The following HDAC9 variants were observed in gnomAD, a reference collection of about 807,000 sequenced individuals.
HDAC9 encodes the protein histone deacetylase 9, also known as MEF-2 interacting transcription repressor (MITR) protein.
In HDAC9, 41 loss-of-function variants were observed where a neutral mutation model predicts 139.4. The ratio of observed to expected loss-of-function variants is 0.29; its 90% confidence interval spans 0.23 to 0.38. The LOEUF (loss-of-function observed/expected upper bound fraction) is 0.38. Ranked by LOEUF, HDAC9 falls within the 10% of genes least tolerant of loss-of-function variation. The pLI is 1.00. For missense variants in HDAC9, 1,147 were observed against 1,297.0 expected, an observed-to-expected ratio of 0.88 and a Z score of 1.78; for synonymous variants, 517 against 476.2, an observed-to-expected ratio of 1.09 and a Z score of -1.12.
intron 1 of HDAC9, among the ~76,000 whole-genome samples, chr7:18,144,951 C>T (rs1562671434): frequency 1.3e-5 from 2 of 152,294 alleles, no homozygotes; most frequent in Non-Finnish European, 2.9e-5. Flanking sequence ...TTTTGAATGA[C>T]ATCTTTCTGT....
At chr7:18,811,810 G>A (rs776175244) in intron 17 of HDAC9, among the ~76,000 whole-genome samples, 2 of 151,576 alleles carry the variant, frequency 1.3e-5, no homozygotes, top group Non-Finnish European at 3.0e-5. Flanking sequence ...GTTTGTGGGT[G>A]TGTGTGTGAG....
chr7:18,623,525 A>G (rs1470499853), intron 6 of HDAC9, among the ~76,000 whole-genome samples: 1 of 151,974 alleles, frequency 6.6e-6, no homozygotes, highest in Non-Finnish European at 1.5e-5. Context: ...TTTTTTTATG[A>G]TAGACAACCA....
At chr7:18,277,099 A>C (rs1015540523) in intron 2 of HDAC9, among the ~76,000 whole-genome samples, 1 of 152,204 alleles carries the variant, frequency 6.6e-6, no homozygotes, top group Non-Finnish European at 1.5e-5. Flanking sequence ...ACAAAACAAA[A>C]CAAAAAACAA....
chr7:18,622,621 C>A (rs1264378762), intron 6 of HDAC9, among the ~76,000 whole-genome samples: 1 of 151,766 alleles, frequency 6.6e-6, no homozygotes, highest in African/African-American at 2.4e-5. Context: ...CGTGCCCGGC[C>A]TAAAGAAACA....
intron 2 of HDAC9, among the ~76,000 whole-genome samples, chr7:18,525,315 T>C (rs1010909214): frequency 1.3e-5 from 2 of 152,158 alleles, no homozygotes; most frequent in African/African-American, 4.8e-5. Context: ...GAAAAAAATC[T>C]AATTGCGTTA....
chr7:18,321,348 T>C (rs1293500669), intron 1 of HDAC9, among the ~76,000 whole-genome samples: 1 of 152,206 alleles, frequency 6.6e-6, no homozygotes, highest in African/African-American at 2.4e-5. Flanking sequence ...TCCCTACTTG[T>C]TTCACATGTG....
At chr7:18,760,756 C>T (rs150848160) in intron 14 of HDAC9, among the ~76,000 whole-genome samples, 2 of 152,324 alleles carry the variant, frequency 1.3e-5, no homozygotes, top group Non-Finnish European at 2.9e-5. Flanking sequence ...CTCACTGTGA[C>T]CTGATCATTT....
In HDAC9 at chr7:18,196,528, A is replaced by G. The variant is rs140623493; in HGVS notation, c.25+34179A>G. ...GAACAAGATATTTAAGCTATTGCCA[A>G]ACTATAATGGAAGTTCTGAATTATG... On this transcript the variant is annotated intron_variant, in intron 2 of 12. Coordinates refer to the HDAC9 transcript ENST00000417496. 1.2e-4 allele frequency among the ~76,000 whole-genome samples: 19 copies of G among 152,334 alleles called. No homozygotes were observed. The East Asian group carries it at 3.7e-3, about 29-fold the overall frequency.
intron 17 of HDAC9, among the ~76,000 whole-genome samples, chr7:18,827,267 C>A (rs1008016572): frequency 6.6e-6 from 1 of 151,942 alleles, no homozygotes; most frequent in Non-Finnish European, 1.5e-5. Flanking sequence ...ATCTAATAGT[C>A]CATGGTATTT....
In HDAC9 at chr7:18,316,192, A is replaced by T. The variant is rs377227159; in HGVS notation, c.-42+25677A>T. ...TGAGGCCTGAGATTTTGCATTTCTA[A>T]CAAGCTCTGAAATGATACTGTGCTG... is the stretch of plus-strand genomic sequence containing the variant. On this transcript the variant is annotated intron_variant, in intron 1 of 3. Transcript: ENST00000413509. 9.2e-5 allele frequency among the ~76,000 whole-genome samples: 14 copies of T among 152,236 alleles called. No homozygotes were observed. In the East Asian group the frequency reaches 9.7e-4, roughly 11 times the overall value.
intron 24 of HDAC9, among the ~76,000 whole-genome samples, chr7:18,955,309 T>A (rs144186899): frequency 2.0e-5 from 3 of 152,078 alleles, no homozygotes; most frequent in Non-Finnish European, 4.4e-5. Flanking sequence ...CTTGTTTCCA[T>A]TGGGGCTAGA....
chr7:18,551,372 G>T (rs1209584440), intron 2 of HDAC9, among the ~76,000 whole-genome samples: 1 of 152,178 alleles, frequency 6.6e-6, no homozygotes. Context: ...CCAACACATA[G>T]TGATATTTAT....
At chr7:18,342,000 C>A (rs1782050187) in intron 1 of HDAC9, among the ~76,000 whole-genome samples, 1 of 151,810 alleles carries the variant, frequency 6.6e-6, no homozygotes, top group Non-Finnish European at 1.5e-5. Flanking sequence ...TACTCAGTGT[C>A]CCGTGATCAA....
At chr7:18,310,645 C>G (rs958355376) in intron 1 of HDAC9, among the ~76,000 whole-genome samples, 5 of 152,262 alleles carry the variant, frequency 3.3e-5, no homozygotes, top group Non-Finnish European at 7.4e-5. Context: ...AATCCCTTGT[C>G]CAGTGATTGA....
chr7:18,340,490 A>G (rs1781921484), intron 1 of HDAC9, among the ~76,000 whole-genome samples: 1 of 151,376 alleles, frequency 6.6e-6, no homozygotes, highest in Non-Finnish European at 1.5e-5. Context: ...AAATGATTCC[A>G]TTGTATCTCC....
intron 1 of HDAC9, among the ~76,000 whole-genome samples, chr7:18,386,654 T>A (rs1464295849): frequency 1.3e-5 from 2 of 152,194 alleles, no homozygotes; most frequent in African/African-American, 2.4e-5. Context: ...CAGTCCCTTT[T>A]GTGCAGCCTA....
At chr7:18,897,509 G>C (rs750329099) in intron 22 of HDAC9, among the ~76,000 whole-genome samples, 2 of 151,878 alleles carry the variant, frequency 1.3e-5, no homozygotes, top group Non-Finnish European at 2.9e-5. Flanking sequence ...CTATGCGGAG[G>C]TTTCTGATCC....
chr7:18,207,677 G>C (rs1232687463), intron 2 of HDAC9, among the ~76,000 whole-genome samples: 1 of 150,842 alleles, frequency 6.6e-6, no homozygotes, highest in African/African-American at 2.4e-5. Flanking sequence ...CTTACATACT[G>C]TCTCTCATAA....
intron 17 of HDAC9, among the ~76,000 whole-genome samples, chr7:18,810,106 A>G (rs1195290258): frequency 6.6e-6 from 1 of 151,990 alleles, no homozygotes; most frequent in African/African-American, 2.4e-5. Flanking sequence ...GTTAAGTGAA[A>G]TAATCCAGAC....
Sources: allele counts gnomAD v4.1 joint callset (sites outside exome capture counted in the v4.1 genomes callset), GRCh38; gene constraint gnomAD v4.1.1; transcripts MANE v1.5; gene names NCBI Gene and HGNC (gene_info 2026-07-23, HGNC 2026-07-21).